The following LBX2 variants were observed in gnomAD, a reference collection of about 807,000 sequenced individuals.
LBX2 encodes transcription factor LBX2.
In LBX2, 6 loss-of-function variants were observed where a neutral mutation model predicts 7.5. That is an observed-to-expected ratio of 0.80 (90% CI 0.44 to 1.59). The LOEUF (loss-of-function observed/expected upper bound fraction) is 1.59, where lower values mean the gene tolerates loss of function less well. LBX2 is among the 40% of genes most tolerant of loss of function. The pLI is 0.01. For synonymous variants in LBX2, 143 were observed against 133.2 expected (o/e 1.07, Z -0.51); for missense variants, 281 against 282.0 (o/e 1.00, Z 0.03).
upstream of LBX2, chr2:74,502,886 T>C: frequency 6.4e-7 from 1 of 1,572,502 alleles, no homozygotes; most frequent in South Asian, 1.1e-5. The surrounding 1 kb of genome is among the most constrained non-coding windows in gnomAD (Gnocchi z 5.4). Context: ...CTGGCCAGGC[T>C]GAGAGAGGGA....
At chr2:74,501,319 C>T (rs1261490247), upstream of LBX2, among the ~76,000 whole-genome samples, 1 of 152,246 alleles carries the variant, frequency 6.6e-6, no homozygotes, top group East Asian at 1.9e-4. Flanking sequence ...CTACAGGCCT[C>T]AGCCCTGGAA....
chr2:74,503,165 G>A (rs187387936), upstream of LBX2: 586 of 359,026 alleles, frequency 1.6e-3, 2 homozygotes, highest in African/African-American at 0.012. This position sits in a 1 kb window ranked among gnomAD's most constrained non-coding sequence, Gnocchi z 5.1. Flanking sequence ...AAGCCAGAGA[G>A]GACCCTGGGC....
At position 74,497,855 on chromosome 2, in the gene LBX2, CTCTGGCCAGAG is replaced by C; in HGVS notation, c.*61_*71del. 6.9e-7 allele frequency: 1 copy of C among 1,444,458 alleles called. No homozygotes were observed. Among genetic ancestry groups the C allele is most frequent in the Non-Finnish European group, 9.2e-7 (1 of 1,091,836 alleles). The allele number at this position is 1,444,458 out of a possible 1,614,324, so 89.5% of individuals were successfully genotyped here. On this transcript the variant is annotated 3_prime_UTR_variant, in exon 2 of 2. Coordinates refer to ENST00000377566, the MANE Select transcript of LBX2 (RefSeq NM_001282430.2). ...TGGACCTCCTTCCTCCACCCTGGAA[CTCTGGCCAGAG>C]GCAGAGCGCGAGGTGAGGAGTCCAG...
upstream of LBX2, among the ~76,000 whole-genome samples, chr2:74,501,087 G>T (rs1041986710): frequency 1.3e-4 from 20 of 152,260 alleles, no homozygotes; most frequent in Admixed American, 9.8e-4. Context: ...CACCTTGATA[G>T]GGTCTTCTTG....
chr2:74,499,389 T>A lies in LBX2; in HGVS notation c.149A>T (p.Glu50Val). The change falls in exon 1 of 2, where the codon GAG becomes GTG. Residue 50 changes from glutamate to valine, a missense_variant. This residue lies in a region of LBX2 where 216 missense variants were observed against 208.7 expected (regional missense o/e 1.03). Transcript: ENST00000377566. The surrounding 1 kb of genome is among the most constrained non-coding windows in gnomAD (Gnocchi z 4.6). Reference protein sequence around the residue: ...GPTSPLCALEELTSKTFRGLD... With the variant: ...GPTSPLCALEVLTSKTFRGLD... ...TCCGCGGAAAGTTTTACTAGTCAGC[T>A]CCTCCAGCGCGCACAGCGGCGACGT... 6.4e-7 allele frequency: 1 copy of A among 1,550,514 alleles called. No homozygotes were observed. The highest frequency in any genetic ancestry group is 8.7e-7 in the Non-Finnish European group (1 of 1,146,978).
chr2:74,498,314 C>A lies in LBX2; in HGVS notation c.210G>T (p.Arg70=). The change falls in exon 2 of 2, where the codon CGG becomes CGT. Residue 70 remains arginine, a synonymous_variant. Coordinates refer to ENST00000377566, the MANE Select transcript of LBX2 (RefSeq NM_001282430.2). ...CAGGGCCCAGCGCGTCCGGACCTGC[C>A]CGCCCTGTAGGGATAGGGAGGGGGT... ...DARALQPSEG[R]AGPDALGPGP... The A allele has an allele frequency of 6.5e-7, 1 of 1,536,908 alleles. No individual in the cohort carries two copies.
At chr2:74,499,753 G>T, upstream of LBX2, 1 of 600,618 alleles carries the variant, frequency 1.7e-6, no homozygotes, top group Non-Finnish European at 2.9e-6. The surrounding 1 kb of genome is among the most constrained non-coding windows in gnomAD (Gnocchi z 4.6). Context: ...TATTTCTACA[G>T]GCTGGGGCAG....
chr2:74,498,527 G>C lies in LBX2; in HGVS notation c.206-209C>G, dbSNP rs191667573. Among the ~76,000 whole-genome samples the C allele has an allele frequency of 3.9e-5, 6 of 152,342 alleles. No homozygotes were observed. In the East Asian group the frequency reaches 7.7e-4, roughly 20 times the overall value. On this transcript the variant is annotated intron_variant, in intron 1 of 1. Transcript: ENST00000377566. The stretch of plus-strand genomic sequence containing the variant: ...CAAAGCGGGCTGGCCACAGGGGTGC[G>C]AAAGGCAGCAGGCTGAGGGCATATT...
Position 74,499,594 on chromosome 2 carries a change from G to C in LBX2, c.-57C>G, listed in dbSNP as rs996023639. 38 of 1,500,856 alleles carry C rather than the reference G, an allele frequency of 2.5e-5. 1 individual carries two copies. The highest frequency in any genetic ancestry group is 1.8e-6 in the Non-Finnish European group (2 of 1,115,120). The allele number at this position is 1,500,856 out of a possible 1,614,324, so 93.0% of individuals were successfully genotyped here. A position where few individuals can be genotyped will look rare whatever the true frequency, so the allele number is the denominator to read the frequency against. On this transcript the variant is annotated 5_prime_UTR_variant, in exon 1 of 2. Transcript: ENST00000377566. The surrounding 1 kb of genome is among the most constrained non-coding windows in gnomAD (Gnocchi z 4.6). ...GTTGCGCTAGGCTCCGCAAACGCCT[G>C]GGCCCCAGTGCTCGGCTCCCAATCC...
chr2:74,497,622 G>A lies in LBX2; in HGVS notation c.*305C>T. 1 of 331,770 alleles carries A rather than the reference G, an allele frequency of 3.0e-6. No homozygotes were observed. The allele number at this position is 331,770 out of a possible 1,614,324, so 20.6% of individuals were successfully genotyped here. The stretch of plus-strand genomic sequence containing the variant: ...AAGTTTTTTAAATTAGCCTGGGGTG[G>A]TGCTGCACGCCTGTAATGCCAGCTA... On this transcript the variant is annotated 3_prime_UTR_variant, in exon 2 of 2. Transcript: ENST00000377566.
In LBX2 at chr2:74,497,867, G is replaced by A; in HGVS notation, c.*60C>T. ...CTCCACCCTGGAACTCTGGCCAGAG[G>A]CAGAGCGCGAGGTGAGGAGTCCAGG... On this transcript the variant is annotated 3_prime_UTR_variant, in exon 2 of 2. Coordinates refer to ENST00000377566, the MANE Select transcript of LBX2 (RefSeq NM_001282430.2). 1 of 1,463,554 alleles carries A rather than the reference G, an allele frequency of 6.8e-7. No homozygotes were observed. Among genetic ancestry groups the A allele is most frequent in the Admixed American group, 2.7e-5 (1 of 36,562 alleles). The allele number at this position is 1,463,554 out of a possible 1,614,324, so 90.7% of individuals were successfully genotyped here.
chr2:74,499,343 C>T lies in LBX2; in HGVS notation c.195G>A (p.Gln65=), dbSNP rs1445796528. The T allele has an allele frequency of 6.4e-7, 1 of 1,550,588 alleles. No homozygotes were observed. The highest frequency in any genetic ancestry group is 8.7e-7 in the Non-Finnish European group (1 of 1,146,970). The change falls in exon 1 of 2, where the codon CAG becomes CAA. Residue 65 remains glutamine (Q), a synonymous_variant. Transcript: ENST00000377566. The surrounding 1 kb of genome is among the most constrained non-coding windows in gnomAD (Gnocchi z 4.6). ...TFRGLDARAL[Q]PSEGRAGPDA... is the part of the protein sequence containing the mutation. ...TTGCCGGCTCTATACCTTCAGAGGGCTGCAGAGCGCGCGCGTCAAGTCCGC... is the reference window on the plus strand; with the variant it reads ...TTGCCGGCTCTATACCTTCAGAGGGTTGCAGAGCGCGCGCGTCAAGTCCGC...
At position 74,497,868 on chromosome 2, in the gene LBX2, C is replaced by T; in HGVS notation, c.*59G>A. On this transcript the variant is annotated 3_prime_UTR_variant, in exon 2 of 2. Transcript: ENST00000377566. ...TCCACCCTGGAACTCTGGCCAGAGG[C>T]AGAGCGCGAGGTGAGGAGTCCAGGG... 2 of 1,465,896 alleles carry T rather than the reference C, an allele frequency of 1.4e-6. No individual in the cohort carries two copies. The highest frequency in any genetic ancestry group is 1.8e-6 in the Non-Finnish European group (2 of 1,106,882). The allele number at this position is 1,465,896 out of a possible 1,614,324, so 90.8% of individuals were successfully genotyped here.
chr2:74,497,852 G>T lies in LBX2; in HGVS notation c.*75C>A. 7.0e-7 allele frequency: 1 copy of T among 1,435,742 alleles called. No homozygotes were observed. Among genetic ancestry groups the T allele is most frequent in the Non-Finnish European group, 9.2e-7 (1 of 1,085,140 alleles). 88.9% of individuals were successfully genotyped at this position (1,435,742 alleles called of 1,614,324 possible). ...AAGTGGACCTCCTTCCTCCACCCTG[G>T]AACTCTGGCCAGAGGCAGAGCGCGA... On this transcript the variant is annotated 3_prime_UTR_variant, in exon 2 of 2. Coordinates refer to ENST00000377566, the MANE Select transcript of LBX2 (RefSeq NM_001282430.2).
At chr2:74,501,774 TG>T (rs1193517596), upstream of LBX2, 1 of 152,198 alleles carries the variant, frequency 6.6e-6, no homozygotes, top group Non-Finnish European at 1.5e-5. Flanking sequence ...GAACTCGAGC[TG>T]GGGCGAAATC....
chr2:74,500,699 G>A (rs1674466676), upstream of LBX2, among the ~76,000 whole-genome samples: 1 of 152,180 alleles, frequency 6.6e-6, no homozygotes, highest in South Asian at 2.1e-4. Context: ...GCAGCTCAGG[G>A]ACAGTGGGGC....
At chr2:74,498,397 C>A in intron 1 of LBX2, 79 bp from the exon 2 acceptor site, 1 of 1,236,910 alleles carries the variant, frequency 8.1e-7, no homozygotes, top group South Asian at 1.6e-5. Flanking sequence ...GGGGTGGGGT[C>A]GGGCCGGTGG....
Position 74,498,206 on chromosome 2 carries a change from G to C in LBX2, c.318C>G (p.Phe106Leu). 1 of 1,611,340 alleles carries C rather than the reference G, an allele frequency of 6.2e-7. No individual in the cohort carries two copies. Among genetic ancestry groups the C allele is most frequent in the African/African-American group, 1.3e-5 (1 of 75,070 alleles). Residue 106 changes from phenylalanine (F) to leucine (L), a missense_variant, in exon 2 of 2, where the codon TTC becomes TTG. Transcript: ENST00000377566. ...GCTCGGACGGCGCCAGGTACTTCTGGAAGACGAAGCGCCGCTCCAGCTCCA... is the reference window on the plus strand; with the variant it reads ...GCTCGGACGGCGCCAGGTACTTCTGCAAGACGAAGCGCCGCTCCAGCTCCA... Reference protein sequence around the residue: ...QVLELERRFVFQKYLAPSERD... With the variant: ...QVLELERRFVLQKYLAPSERD...
upstream of LBX2, chr2:74,502,514 G>C (rs998445997): frequency 2.8e-6 from 2 of 716,260 alleles, no homozygotes; most frequent in Admixed American, 5.6e-5. The surrounding 1 kb of genome is among the most constrained non-coding windows in gnomAD (Gnocchi z 5.4). Context: ...TCCGTGAACC[G>C]GAGTGAGAGG....
Sources: allele counts gnomAD v4.1 joint callset (sites outside exome capture counted in the v4.1 genomes callset), GRCh38; gene constraint gnomAD v4.1.1; regional missense constraint gnomAD v4.1.1; non-coding constraint Gnocchi (gnomAD v3.1); transcripts MANE v1.5; gene names NCBI Gene and HGNC (gene_info 2026-07-23, HGNC 2026-07-21).